RERE: variants seen among roughly 807,000 people sequenced by gnomAD.
The protein encoded by RERE is arginine-glutamic acid dipeptide repeats protein.
Under a neutral mutation model 146.1 loss-of-function variants are expected in RERE, and 40 were observed. That is an observed-to-expected ratio of 0.27 (90% CI 0.21 to 0.36). The LOEUF (loss-of-function observed/expected upper bound fraction) is 0.36. RERE is among the 10% of genes least tolerant of loss of function. RERE has a pLI of 1.00. For synonymous variants in RERE, 1,003 were observed against 866.0 expected, an observed-to-expected ratio of 1.16 and a Z score of -2.78; for missense variants, 1,933 against 2,138.7, an observed-to-expected ratio of 0.90 and a Z score of 1.90.
chr1:8,587,774 T>G (rs1204754240), intron 4 of RERE, among the ~76,000 whole-genome samples: 1 of 152,298 alleles, frequency 6.6e-6, no homozygotes, highest in Admixed American at 6.5e-5. Flanking sequence ...AACAAAAATA[T>G]TCTGCCTCTA....
chr1:8,780,180 C>A (rs1641139628), intron 1 of RERE, among the ~76,000 whole-genome samples: 2 of 152,188 alleles, frequency 1.3e-5, no homozygotes, highest in Non-Finnish European at 2.9e-5. Context: ...CTAATTTGAC[C>A]TGTACCTTGG....
At chr1:8,758,855 CAAA>C (rs35540947) in intron 1 of RERE, among the ~76,000 whole-genome samples, 1 of 137,496 alleles carries the variant, frequency 7.3e-6, no homozygotes. Context: ...GTCCTCACCA[CAAA>C]AAAAAAAAAT....
intron 1 of RERE, among the ~76,000 whole-genome samples, chr1:8,659,779 T>C (rs1313874506): frequency 6.6e-6 from 1 of 152,160 alleles, no homozygotes; most frequent in African/African-American, 2.4e-5. Context: ...TCCAGAAAAC[T>C]GTGTAGAAAA....
At chr1:8,790,614 G>C (rs930729754) in intron 1 of RERE, among the ~76,000 whole-genome samples, 1 of 152,168 alleles carries the variant, frequency 6.6e-6, no homozygotes, top group Non-Finnish European at 1.5e-5. Flanking sequence ...ACAGAGTCTT[G>C]CTCTTGTTAT....
intron 1 of RERE, among the ~76,000 whole-genome samples, chr1:8,660,996 G>C (rs1041903504): frequency 2.0e-5 from 3 of 152,148 alleles, no homozygotes; most frequent in Non-Finnish European, 4.4e-5. Flanking sequence ...CCCTTATCTT[G>C]AGCTTATGTG....
chr1:8,556,567 A>G lies in RERE; in HGVS notation c.633T>C (p.Ser211=), dbSNP rs1280752827. The change falls in exon 6 of 23, where the codon TCT becomes TCC. Residue 211 remains serine (S), a synonymous_variant. Transcript: ENST00000400908. ...GGTCTGTAATGACAAGTTCTCTTCC[A>G]GAGTCTGTCAAAAAATTAATTAAGA... ...LVQDRHNEND[S]GRELVITDPV... The G allele has an allele frequency of 1.9e-6, 3 of 1,589,730 alleles. No homozygotes were observed. The highest frequency in any genetic ancestry group is 2.7e-5 in the African/African-American group (2 of 74,364).
chr1:8,811,501 G>A (rs900122581), intron 1 of RERE, among the ~76,000 whole-genome samples: 6 of 152,150 alleles, frequency 3.9e-5, no homozygotes, highest in Admixed American at 1.3e-4. Context: ...CCAGCTACTC[G>A]GGAGGCCAAG....
intron 4 of RERE, among the ~76,000 whole-genome samples, chr1:8,597,545 A>G (rs1194637393): frequency 2.6e-5 from 4 of 152,226 alleles, no homozygotes; most frequent in Non-Finnish European, 5.9e-5. Flanking sequence ...TCAACATTAA[A>G]ATTCCATAAT....
intron 11 of RERE, among the ~76,000 whole-genome samples, chr1:8,450,845 C>T (rs1644382368): frequency 6.6e-6 from 1 of 152,208 alleles, no homozygotes; most frequent in Non-Finnish European, 1.5e-5. Context: ...CTTCCTCCAT[C>T]CTACCTTTCG....
chr1:8,682,051 T>C (rs903930035), intron 1 of RERE, among the ~76,000 whole-genome samples: 7 of 152,156 alleles, frequency 4.6e-5, no homozygotes, highest in African/African-American at 1.7e-4. Flanking sequence ...ATTTTGATCA[T>C]AATCTCCTTT....
intron 10 of RERE, among the ~76,000 whole-genome samples, chr1:8,489,820 G>C (rs1475934950): frequency 6.6e-6 from 1 of 152,124 alleles, no homozygotes; most frequent in Admixed American, 6.6e-5. Context: ...GGAGGCCCAG[G>C]TGGGAGGATC....
intron 4 of RERE, among the ~76,000 whole-genome samples, chr1:8,576,842 T>C (rs1412488431): frequency 1.3e-5 from 2 of 152,212 alleles, no homozygotes; most frequent in African/African-American, 4.8e-5. Flanking sequence ...AACATATTCA[T>C]CTGTTTCTCC....
chr1:8,425,302 G>A (rs1404245374), intron 11 of RERE: 2 of 152,204 alleles, frequency 1.3e-5, no homozygotes, highest in African/African-American at 4.8e-5. Context: ...ACTGAACTGT[G>A]ATTCATTTTT....
At chr1:8,610,880 CA>C in intron 4 of RERE, among the ~76,000 whole-genome samples, 1 of 149,768 alleles carries the variant, frequency 6.7e-6, no homozygotes, top group East Asian at 2.0e-4. Flanking sequence ...AAATGCAAAA[CA>C]AAAATAATGA....
At position 8,508,697 on chromosome 1, in the gene RERE, T is replaced by C. The variant is rs764003710; in HGVS notation, c.831-22A>G. The C allele has an allele frequency of 4.4e-6, 7 of 1,599,712 alleles. No individual in the cohort carries two copies. In the Admixed American group the frequency reaches 5.1e-5, roughly 12 times the overall value. ...CCTCCTGGAACAGAAATAGAGCAGA[T>C]TAAGTTAGCGCAATACAGTTTTGAC... On this transcript the variant is annotated intron_variant, in intron 7 of 22. Transcript: ENST00000400908.
Position 8,440,950 on chromosome 1 carries a change from C to T in RERE, c.1204-18143G>A, listed in dbSNP as rs568157598. 3.1e-5 allele frequency among the ~76,000 whole-genome samples: 4 copies of T among 130,132 alleles called. No homozygotes were observed. The South Asian group carries it at 9.3e-4, about 30-fold the overall frequency. The allele number at this position is 130,132 out of a possible 152,430, so 85.4% of individuals were successfully genotyped here. On this transcript the variant is annotated intron_variant, in intron 11 of 22. Coordinates refer to ENST00000400908, the MANE Select transcript of RERE (RefSeq NM_001042681.2). ...GTAATATAACTGCTCTATGAACACA[C>T]TAAATAACAAGAGCTAGCAGAGGGT...
At chr1:8,728,825 A>G (rs1303127241) in intron 1 of RERE, among the ~76,000 whole-genome samples, 4 of 152,234 alleles carry the variant, frequency 2.6e-5, no homozygotes, top group South Asian at 2.1e-4. Context: ...ACAGGCTCTG[A>G]AACAGCAGCT....
intron 11 of RERE, among the ~76,000 whole-genome samples, chr1:8,460,453 G>A: frequency 6.6e-6 from 1 of 152,140 alleles, no homozygotes; most frequent in East Asian, 1.9e-4. Flanking sequence ...TTATATTTAT[G>A]ATAGACTGAG....
At position 8,356,636 on chromosome 1, in the gene RERE, C is replaced by G. The variant is rs1021579620; in HGVS notation, c.4340-390G>C. ...TGCGCCAGTGGGTGTTGGGCTGGCACCCCCTGCCCAGGGCTGTCTCCCTGC... is the reference window on the plus strand; with the variant it reads ...TGCGCCAGTGGGTGTTGGGCTGGCAGCCCCTGCCCAGGGCTGTCTCCCTGC... On this transcript the variant is annotated intron_variant, in intron 20 of 22. Coordinates refer to ENST00000400908, the MANE Select transcript of RERE (RefSeq NM_001042681.2). This position sits in a 1 kb window ranked among gnomAD's most constrained non-coding sequence, Gnocchi z 5.2. 2.0e-5 allele frequency among the ~76,000 whole-genome samples: 3 copies of G among 152,190 alleles called. No homozygotes were observed. The highest frequency in any genetic ancestry group is 7.2e-5 in the African/African-American group (3 of 41,448).
Sources: gnomAD v4.1 joint callset for allele counts (sites outside exome capture counted in the v4.1 genomes callset) on GRCh38, gnomAD v4.1.1 for gene constraint, Gnocchi (gnomAD v3.1) non-coding constraint, MANE v1.5 for transcripts, NCBI Gene and HGNC (gene_info 2026-07-23, HGNC 2026-07-21) for gene names.